SEC11C: variants seen among roughly 807,000 people sequenced by gnomAD.
The protein encoded by SEC11C is SEC11 homolog C, signal peptidase complex subunit.
In SEC11C, 10 loss-of-function variants were observed where a neutral mutation model predicts 21.9. That is an observed-to-expected ratio of 0.46 (90% confidence interval 0.28 to 0.77). The LOEUF (loss-of-function observed/expected upper bound fraction) is 0.77, where lower values mean the gene tolerates loss of function less well. SEC11C is among the 30% of genes least tolerant of loss of function. The pLI, the probability that SEC11C is intolerant of heterozygous loss-of-function variation, is 0.12. For missense variants in SEC11C, 145 were observed against 244.5 expected (o/e 0.59, Z 2.71); for synonymous variants, 83 against 85.6 (o/e 0.97, Z 0.17).
chr18:59,140,941 G>T (rs1262672298), intron 1 of SEC11C, among the ~76,000 whole-genome samples: 1 of 152,096 alleles, frequency 6.6e-6, no homozygotes, highest in Non-Finnish European at 1.5e-5. Flanking sequence ...TGAATATCAC[G>T]GTGGATACTA....
chr18:59,154,661 C>G (rs2069398978), intron 3 of SEC11C, among the ~76,000 whole-genome samples: 1 of 152,206 alleles, frequency 6.6e-6, no homozygotes, highest in African/African-American at 2.4e-5. Flanking sequence ...AAAAGGAAAT[C>G]TGAGGACAGC....
chr18:59,153,671 C>T (rs2144041077), intron 3 of SEC11C, among the ~76,000 whole-genome samples: 1 of 152,220 alleles, frequency 6.6e-6, no homozygotes, highest in East Asian at 1.9e-4. Context: ...CTGCCCCAGC[C>T]TCTCGAGTAG....
At chr18:59,140,348 G>A (rs1477513507) in intron 1 of SEC11C, among the ~76,000 whole-genome samples, 3 of 152,230 alleles carry the variant, frequency 2.0e-5, no homozygotes, top group Admixed American at 1.3e-4. Flanking sequence ...GTGAACGACA[G>A]CTCTCTGAGC....
intron 5 of SEC11C, 134 bp from the exon 6 acceptor site, chr18:59,158,498 C>A (rs2069444577): frequency 1.4e-6 from 1 of 699,962 alleles, no homozygotes; most frequent in Non-Finnish European, 2.4e-6. Flanking sequence ...ATTTAGAGAA[C>A]AAGCCATGGG....
chr18:59,147,004 A>G (rs12964794), intron 1 of SEC11C: 32,746 of 152,126 alleles, frequency 0.22, 4,011 homozygotes, highest in South Asian at 0.29. Context: ...TCACCTGGGA[A>G]TGTGTCTGAA....
intron 1 of SEC11C, among the ~76,000 whole-genome samples, chr18:59,142,718 C>T (rs2144023949): frequency 6.6e-6 from 1 of 152,234 alleles, no homozygotes; most frequent in South Asian, 2.1e-4. Flanking sequence ...GCTTTGTGAT[C>T]TTTGATTTTT....
chr18:59,141,489 T>G (rs951463339), intron 1 of SEC11C, among the ~76,000 whole-genome samples: 7 of 152,184 alleles, frequency 4.6e-5, no homozygotes, highest in African/African-American at 1.7e-4. Flanking sequence ...GAAAAGGCCC[T>G]CTGATGAGTG....
chr18:59,157,814 T>C (rs2069435429), intron 5 of SEC11C, 149 bp downstream of exon 5: 2 of 614,642 alleles, frequency 3.3e-6, no homozygotes, highest in Middle Eastern at 4.4e-4. Context: ...AATGTAGTCA[T>C]TTAAAGCAGC....
chr18:59,155,525 TGG>T, intron 3 of SEC11C, 161 bp from the exon 4 acceptor site: 1 of 593,268 alleles, frequency 1.7e-6, no homozygotes, highest in Non-Finnish European at 2.8e-6. Flanking sequence ...TTCAGTTGAA[TGG>T]TTGTCTTAAG....
chr18:59,152,603 A>G lies in SEC11C; in HGVS notation c.265A>G (p.Ile89Val), dbSNP rs778295565. Residue 89 changes from isoleucine to valine, a missense_variant, in exon 3 of 6, where the codon ATC becomes GTC. By Grantham distance (29) the Ile-to-Val change is conservative. Coordinates refer to ENST00000587834, the MANE Select transcript of SEC11C (RefSeq NM_033280.4). ...LFLTNFREDP[I>V]RAGEIVVFKV... ...CCTCACAAATTTCCGGGAAGACCCAATCAGAGCTGGTGAAATAGTTGTTTT... is the reference window on the plus strand; with the variant it reads ...CCTCACAAATTTCCGGGAAGACCCAGTCAGAGCTGGTGAAATAGTTGTTTT... 3.1e-6 allele frequency: 5 copies of G among 1,613,902 alleles called. No individual in the cohort carries two copies. The highest frequency in any genetic ancestry group is 4.2e-6 in the Non-Finnish European group (5 of 1,179,974).
chr18:59,142,945 A>G (rs9950473), intron 1 of SEC11C, among the ~76,000 whole-genome samples: 1 of 152,152 alleles, frequency 6.6e-6, no homozygotes, highest in African/African-American at 2.4e-5. Context: ...AACATATTAT[A>G]GCCCAACACT....
At chr18:59,147,731 C>G (rs955026214) in intron 1 of SEC11C, 8 of 120,684 alleles carry the variant, frequency 6.6e-5, no homozygotes, top group African/African-American at 2.1e-4. Flanking sequence ...GCAGTGAGAC[C>G]CCTCGCTCTC....
Position 59,158,645 on chromosome 18 carries a change from CT to C in SEC11C, c.540del (p.Val181Ter), listed in dbSNP as rs764903351. The C allele has an allele frequency of 6.2e-7, 1 of 1,613,706 alleles. No homozygotes were observed. Among genetic ancestry groups the C allele is most frequent in the Non-Finnish European group, 8.5e-7 (1 of 1,179,724 alleles). ...DYPKFKYALL[A>X]VMGAYVLLKR... ...TTTTCTTTCCAGTATGCTCTTTTGG[CT>C]GTAATGGGTGCATATGTGTTACTAA... On this transcript the variant is annotated frameshift_variant, in exon 6 of 6. Coordinates refer to ENST00000587834, the MANE Select transcript of SEC11C (RefSeq NM_033280.4). LOFTEE classifies it high-confidence loss of function.
intron 1 of SEC11C, among the ~76,000 whole-genome samples, chr18:59,142,173 A>G (rs1295415784): frequency 1.3e-5 from 2 of 152,188 alleles, no homozygotes; most frequent in African/African-American, 4.8e-5. Context: ...TTAAGGTGTT[A>G]AAAGTGTGAT....
chr18:59,144,392 A>G (rs2069246422), intron 1 of SEC11C, among the ~76,000 whole-genome samples: 1 of 152,200 alleles, frequency 6.6e-6, no homozygotes, highest in South Asian at 2.1e-4. Flanking sequence ...TGCTAGCACT[A>G]AGTATTAGTA....
chr18:59,154,218 A>G (rs1052560437), intron 3 of SEC11C, among the ~76,000 whole-genome samples: 1 of 152,146 alleles, frequency 6.6e-6, no homozygotes, highest in African/African-American at 2.4e-5. Flanking sequence ...TTAATTTCTA[A>G]AGATGATCAA....
At chr18:59,154,517 T>A (rs899471266) in intron 3 of SEC11C, among the ~76,000 whole-genome samples, 2 of 152,248 alleles carry the variant, frequency 1.3e-5, no homozygotes, top group African/African-American at 4.8e-5. Flanking sequence ...ATGCTTAAAA[T>A]GAGTCCCACA....
At chr18:59,149,387 C>A in intron 1 of SEC11C, 126 bp from the exon 2 acceptor site, 1 of 589,766 alleles carries the variant, frequency 1.7e-6, no homozygotes, top group South Asian at 2.4e-5. Flanking sequence ...GAATTTTGTA[C>A]CTTGTGTTAG....
chr18:59,141,150 C>G (rs577379491), intron 1 of SEC11C, among the ~76,000 whole-genome samples: 1 of 151,536 alleles, frequency 6.6e-6, no homozygotes, highest in South Asian at 2.1e-4. Flanking sequence ...TTTTTCCCCT[C>G]TCACTCTCCT....
Sources: gnomAD v4.1 joint callset for allele counts (sites outside exome capture counted in the v4.1 genomes callset) on GRCh38, gnomAD v4.1.1 for gene constraint, MANE v1.5 for transcripts, NCBI Gene and HGNC (gene_info 2026-07-23, HGNC 2026-07-21) for gene names.